The following MIPOL1 variants were observed in gnomAD, a reference collection of about 807,000 sequenced individuals.
MIPOL1 encodes the protein mirror-image polydactyly gene 1 protein.
Under a neutral mutation model 60.9 loss-of-function variants are expected in MIPOL1, and 57 were observed. That is an observed-to-expected ratio of 0.94 (90% CI 0.76 to 1.17). The LOEUF is 1.17. Ranked by LOEUF, MIPOL1 falls within the 50% of genes most tolerant of loss-of-function variation. The pLI is 0.00. For synonymous variants in MIPOL1, 179 were observed against 168.8 expected, an observed-to-expected ratio of 1.06 and a Z score of -0.47; for missense variants, 551 against 511.6, an observed-to-expected ratio of 1.08 and a Z score of -0.74.
At chr14:37,538,102 G>T (rs1466099678) in intron 12 of MIPOL1, among the ~76,000 whole-genome samples, 1 of 152,142 alleles carries the variant, frequency 6.6e-6, no homozygotes, top group East Asian at 1.9e-4. Flanking sequence ...ACTCACTAAG[G>T]ACTTAGTATG....
chr14:37,200,664 G>GTTTTTT (rs559596328), intron 1 of MIPOL1, among the ~76,000 whole-genome samples: 2 of 111,204 alleles, frequency 1.8e-5, no homozygotes, highest in African/African-American at 6.7e-5. Flanking sequence ...TTCCCAGTTA[G>GTTTTTT]TTTTTTTTTT....
At chr14:37,366,645 G>A (rs566850068) in intron 9 of MIPOL1, among the ~76,000 whole-genome samples, 9 of 152,100 alleles carry the variant, frequency 5.9e-5, no homozygotes, top group South Asian at 4.1e-4. Flanking sequence ...GAAATGTTCC[G>A]TAACTGTCTA....
intron 11 of MIPOL1, among the ~76,000 whole-genome samples, chr14:37,443,804 T>C (rs1217607120): frequency 6.9e-6 from 1 of 144,416 alleles, no homozygotes; most frequent in Non-Finnish European, 1.5e-5. Flanking sequence ...CAACAGCATA[T>C]ATAAAGGGTA....
intron 11 of MIPOL1, among the ~76,000 whole-genome samples, chr14:37,429,854 G>A (rs905961394): frequency 6.6e-6 from 1 of 151,910 alleles, no homozygotes; most frequent in Non-Finnish European, 1.5e-5. Flanking sequence ...TGTTTTAATG[G>A]TAGTGATAGT....
At chr14:37,379,675 C>T (rs1247499826) in intron 10 of MIPOL1, among the ~76,000 whole-genome samples, 3 of 152,020 alleles carry the variant, frequency 2.0e-5, no homozygotes, top group Non-Finnish European at 4.4e-5. Flanking sequence ...ATTTCTAAGG[C>T]AGTGGTAGCT....
chr14:37,463,290 C>T (rs559691887), intron 11 of MIPOL1, among the ~76,000 whole-genome samples: 9 of 152,138 alleles, frequency 5.9e-5, no homozygotes, highest in African/African-American at 9.7e-5. Flanking sequence ...GACCCACCCC[C>T]GTAACTTAAT....
intron 1 of MIPOL1, among the ~76,000 whole-genome samples, chr14:37,236,891 A>C (rs1971579455): frequency 6.6e-6 from 1 of 152,102 alleles, no homozygotes; most frequent in Non-Finnish European, 1.5e-5. Flanking sequence ...ACACTCCTTT[A>C]GCCCTTAGTT....
chr14:37,242,305 T>C (rs888047525), intron 1 of MIPOL1, among the ~76,000 whole-genome samples: 1 of 152,082 alleles, frequency 6.6e-6, no homozygotes, highest in African/African-American at 2.4e-5. Context: ...GGTAATAGTT[T>C]CTTATGTATA....
At chr14:37,491,349 C>A (rs1039503744) in intron 11 of MIPOL1, among the ~76,000 whole-genome samples, 1 of 152,064 alleles carries the variant, frequency 6.6e-6, no homozygotes, top group East Asian at 1.9e-4. Context: ...TGCAACATGG[C>A]GAAACTCCGC....
chr14:37,228,530 T>C (rs1270022516), intron 1 of MIPOL1, among the ~76,000 whole-genome samples: 1 of 152,068 alleles, frequency 6.6e-6, no homozygotes, highest in Non-Finnish European at 1.5e-5. Context: ...AGTTTATTGC[T>C]AGGGTCTAGG....
intron 10 of MIPOL1, among the ~76,000 whole-genome samples, chr14:37,411,742 G>A (rs1043095531): frequency 6.6e-6 from 1 of 151,986 alleles, no homozygotes; most frequent in Non-Finnish European, 1.5e-5. Context: ...TTATTTTATG[G>A]TCCTTAATAA....
At chr14:37,278,169 A>G (rs1183892276) in intron 6 of MIPOL1, 1 of 151,622 alleles carries the variant, frequency 6.6e-6, no homozygotes, top group Non-Finnish European at 1.5e-5. Context: ...TGAATTCAGC[A>G]TTGTTATGCC....
At chr14:37,442,359 T>C (rs2094263511) in intron 11 of MIPOL1, among the ~76,000 whole-genome samples, 2 of 152,146 alleles carry the variant, frequency 1.3e-5, no homozygotes, top group Admixed American at 1.3e-4. Flanking sequence ...AAAATGTCTT[T>C]TGTTTCTTTC....
intron 12 of MIPOL1, among the ~76,000 whole-genome samples, chr14:37,528,121 C>G (rs182670022): frequency 1.3e-5 from 2 of 151,984 alleles, no homozygotes; most frequent in African/African-American, 4.8e-5. Context: ...CATATTTTTA[C>G]AAATTACTAA....
At chr14:37,356,592 C>T (rs1373377337) in intron 9 of MIPOL1, among the ~76,000 whole-genome samples, 5 of 152,164 alleles carry the variant, frequency 3.3e-5, no homozygotes, top group East Asian at 1.9e-4. Context: ...GAGCCAGGTG[C>T]GGGATATAAT....
intron 10 of MIPOL1, 146 bp from the exon 11 acceptor site, chr14:37,422,709 C>A: frequency 1.8e-6 from 1 of 556,864 alleles, no homozygotes; most frequent in Non-Finnish European, 3.2e-6. Flanking sequence ...AGACTATTTT[C>A]TGGTAACTTA....
chr14:37,223,828 A>G (rs181388583), intron 1 of MIPOL1, among the ~76,000 whole-genome samples: 1 of 152,270 alleles, frequency 6.6e-6, no homozygotes, highest in Non-Finnish European at 1.5e-5. Flanking sequence ...ACAAAGTTAA[A>G]TTTATTAAAT....
At chr14:37,359,401 A>C (rs1168548987) in intron 9 of MIPOL1, among the ~76,000 whole-genome samples, 1 of 152,344 alleles carries the variant, frequency 6.6e-6, no homozygotes, top group South Asian at 2.1e-4. Flanking sequence ...TGCGGATAGC[A>C]TTGAATCTAT....
Position 37,407,838 on chromosome 14 carries a change from TC to T in MIPOL1, c.937-15016del, listed in dbSNP as rs1566543537. The stretch of plus-strand genomic sequence containing the variant: ...CTTTATTTTTTCTTTTCTTTCTTCT[TC>T]TTCTTCTTTTTTTTTTTTTTTTTTT... On this transcript the variant is annotated intron_variant, in intron 10 of 12. Coordinates refer to ENST00000684589, the MANE Select transcript of MIPOL1 (RefSeq NM_001388067.1). Among the ~76,000 whole-genome samples the T allele has an allele frequency of 1.1e-3, 100 of 88,118 alleles. 1 individual carries two copies. The highest frequency in any genetic ancestry group is 6.7e-3 in the African/African-American group (95 of 14,138). 57.8% of individuals were successfully genotyped at this position (88,118 alleles called of 152,430 possible). A position where few individuals can be genotyped will look rare whatever the true frequency, so the allele number is the denominator to read the frequency against.
Sources: gnomAD v4.1 joint callset for allele counts (sites outside exome capture counted in the v4.1 genomes callset) on GRCh38, gnomAD v4.1.1 for gene constraint, MANE v1.5 for transcripts, NCBI Gene and HGNC (gene_info 2026-07-23, HGNC 2026-07-21) for gene names.